CANX: variants seen among roughly 807,000 people sequenced by gnomAD.
The protein encoded by CANX is epididymis secretory sperm binding protein.
Under a neutral mutation model 75.7 loss-of-function variants are expected in CANX, and 14 were observed. That is an observed-to-expected ratio of 0.19 (90% CI 0.12 to 0.29). The LOEUF (loss-of-function observed/expected upper bound fraction) is 0.29. Among genes scored for constraint, CANX ranks in the 10% least tolerant of loss-of-function variants. The probability of loss-of-function intolerance (pLI) is 1.00; values close to 1 mark genes in which losing one functional copy is unlikely to be tolerated. For missense variants in CANX, 567 were observed against 713.2 expected, an observed-to-expected ratio of 0.79 and a Z score of 2.34; for synonymous variants, 227 against 236.9, an observed-to-expected ratio of 0.96 and a Z score of 0.38.
upstream of CANX, among the ~76,000 whole-genome samples, chr5:179,697,581 T>C (rs1272753722): frequency 6.6e-6 from 1 of 152,190 alleles, no homozygotes; most frequent in Admixed American, 6.5e-5. Flanking sequence ...CTTCCCCAGG[T>C]AGACAGGAAA....
Position 179,707,216 on chromosome 5 carries a change from T to C in CANX, c.304+26T>C, listed in dbSNP as rs544450716. 1.2e-4 allele frequency: 148 copies of C among 1,218,556 alleles called. 3 individuals are homozygous for C. In the South Asian group the frequency reaches 1.7e-3, roughly 14 times the overall value. The allele number at this position is 1,218,556 out of a possible 1,614,324, so 75.5% of individuals were successfully genotyped here. A position where few individuals can be genotyped will look rare whatever the true frequency, so the allele number is the denominator to read the frequency against. On this transcript the variant is annotated intron_variant, in intron 4 of 14. Transcript: ENST00000247461. ...GTGAGAATCCCATTTGGTTTAGATATAATAGCAGATAGAGGTTTGACATGT... is the reference window on the plus strand; with the variant it reads ...GTGAGAATCCCATTTGGTTTAGATACAATAGCAGATAGAGGTTTGACATGT...
At chr5:179,715,815 G>GTTTTTTTTTTTTTTTTTTTTTTTTTTTT (rs1195140945) in intron 7 of CANX, 1 of 421,884 alleles carries the variant, frequency 2.4e-6, no homozygotes, top group African/African-American at 2.1e-5. Flanking sequence ...GTAGTTTCTT[G>GTTTTTTTTTTTTTTTTTTTTTTTTTTTT]TTTTTTTTGT....
At chr5:179,711,870 A>C (rs1247164657) in intron 7 of CANX, among the ~76,000 whole-genome samples, 1 of 148,052 alleles carries the variant, frequency 6.8e-6, no homozygotes, top group Non-Finnish European at 1.5e-5. Context: ...GGCTGAGGCG[A>C]GCAGATCACT....
chr5:179,712,692 T>TG (rs1777657778), intron 7 of CANX, among the ~76,000 whole-genome samples: 1 of 151,428 alleles, frequency 6.6e-6, no homozygotes, highest in Non-Finnish European at 1.5e-5. Context: ...CCCAAACTGC[T>TG]GGGTTATAGG....
chr5:179,701,659 A>G (rs547274066), intron 1 of CANX, among the ~76,000 whole-genome samples: 88 of 151,818 alleles, frequency 5.8e-4, no homozygotes, highest in African/African-American at 2.0e-3. Flanking sequence ...GTACCTAAAC[A>G]GTTAAAACCT....
intron 12 of CANX, 117 bp downstream of exon 12, chr5:179,723,896 A>G: frequency 1.1e-6 from 1 of 884,934 alleles, no homozygotes; most frequent in East Asian, 2.7e-5. Context: ...TGACCAAGCC[A>G]TGTTTGGTGT....
intron 14 of CANX, among the ~76,000 whole-genome samples, chr5:179,727,093 T>G (rs192661149): frequency 2.0e-5 from 3 of 152,368 alleles, no homozygotes; most frequent in Non-Finnish European, 4.4e-5. Flanking sequence ...AAGTATTTCT[T>G]ATACAAATCA....
Position 179,708,387 on chromosome 5 carries a change from G to A in CANX, c.446+7G>A, listed in dbSNP as rs1197126382. 1.2e-6 allele frequency: 2 copies of A among 1,611,284 alleles called. No homozygotes were observed. Among genetic ancestry groups the A allele is most frequent in the South Asian group, 1.1e-5 (1 of 90,900 alleles). ...CCAAGCCTCTCATTGTTCAGTAAGT[G>A]AAATGCTTGTTGGATAAAAGCTTTC... On this transcript the variant is annotated splice_region_variant and intron_variant, in intron 5 of 14. Transcript: ENST00000247461.
upstream of CANX, among the ~76,000 whole-genome samples, chr5:179,696,477 T>C (rs1003017471): frequency 6.6e-6 from 1 of 151,762 alleles, no homozygotes. Flanking sequence ...GGTTTCACCA[T>C]GTTGGCCATA....
At chr5:179,682,434 G>A (rs1776087958) in intron 1 of CANX, among the ~76,000 whole-genome samples, 1 of 152,044 alleles carries the variant, frequency 6.6e-6, no homozygotes, top group African/African-American at 2.4e-5. Context: ...AAATTGGCCG[G>A]GTGCAGTGGC....
intron 7 of CANX, among the ~76,000 whole-genome samples, chr5:179,714,358 C>T (rs1481221785): frequency 6.6e-6 from 1 of 151,958 alleles, no homozygotes; most frequent in African/African-American, 2.4e-5. Context: ...TCACACGTAC[C>T]CCGAAAATAT....
At chr5:179,719,025 G>A (rs62404348) in intron 8 of CANX, among the ~76,000 whole-genome samples, 69,789 of 150,040 alleles carry the variant, frequency 0.47, 17,462 homozygotes, top group South Asian at 0.63. Flanking sequence ...GGCTGGTGTG[G>A]CCTCAAGTGA....
At position 179,710,081 on chromosome 5, in the gene CANX, A is replaced by C. The variant is rs772088184; in HGVS notation, c.721+16A>C. On this transcript the variant is annotated intron_variant, in intron 7 of 14. Coordinates refer to ENST00000247461, the MANE Select transcript of CANX (RefSeq NM_001746.4). Reference sequence around the variant, plus strand: ...TACACACTAAGTAAGAAAAAGCATTAGTTTGGGGGCTTATGGTATTACATA... The same window carrying C: ...TACACACTAAGTAAGAAAAAGCATTCGTTTGGGGGCTTATGGTATTACATA... The C allele has an allele frequency of 4.9e-6, 7 of 1,436,082 alleles. No homozygotes were observed. Among genetic ancestry groups the C allele is most frequent in the Non-Finnish European group, 1.9e-6 (2 of 1,030,492 alleles). The allele number at this position is 1,436,082 out of a possible 1,614,324, so 89.0% of individuals were successfully genotyped here. A position where few individuals can be genotyped will look rare whatever the true frequency, so the allele number is the denominator to read the frequency against.
chr5:179,703,953 G>T (rs1256337457), intron 1 of CANX, among the ~76,000 whole-genome samples: 2 of 152,158 alleles, frequency 1.3e-5, no homozygotes, highest in African/African-American at 4.8e-5. Context: ...GACTATGATT[G>T]ATTGGGTGAC....
At chr5:179,700,573 G>C (rs1204875769) in intron 1 of CANX, 1 of 152,714 alleles carries the variant, frequency 6.5e-6, no homozygotes, top group Admixed American at 6.6e-5. Context: ...ACTGTGTGTG[G>C]GGGTCAGTGT....
upstream of CANX, chr5:179,698,531 T>C: frequency 7.8e-7 from 1 of 1,289,410 alleles, no homozygotes; most frequent in Non-Finnish European, 1.0e-6. Flanking sequence ...CTACCCCTTT[T>C]GCCGGCTGCC....
In CANX at chr5:179,730,425, A is replaced by G. The variant is rs998276078; in HGVS notation, c.*1781A>G. On this transcript the variant is annotated 3_prime_UTR_variant, in exon 15 of 15. Coordinates refer to ENST00000247461, the MANE Select transcript of CANX (RefSeq NM_001746.4). ...GCAGACTTTCCCAAATGTATTGATT[A>G]CAAATAAACAGTTGTTACTTAGCAA... is the stretch of plus-strand genomic sequence containing the variant. 1 of 152,234 alleles carries G rather than the reference A, an allele frequency of 6.6e-6. No homozygotes were observed. Among genetic ancestry groups the G allele is most frequent in the African/African-American group, 2.4e-5 (1 of 41,462 alleles). 9.4% of individuals were successfully genotyped at this position (152,234 alleles called of 1,614,324 possible). A position where few individuals can be genotyped will look rare whatever the true frequency, so the allele number is the denominator to read the frequency against.
intron 7 of CANX, among the ~76,000 whole-genome samples, chr5:179,710,432 G>A (rs1360978968): frequency 6.7e-6 from 1 of 150,334 alleles, no homozygotes; most frequent in African/African-American, 2.4e-5. Context: ...AAAAGGCTGG[G>A]CGCGGTGGCT....
At chr5:179,692,141 C>T (rs2113052442) in intron 1 of CANX, among the ~76,000 whole-genome samples, 1 of 151,328 alleles carries the variant, frequency 6.6e-6, no homozygotes, top group African/African-American at 2.4e-5. Flanking sequence ...GTGGTGCGAT[C>T]TCGGCTCACT....
Sources: allele counts gnomAD v4.1 joint callset (sites outside exome capture counted in the v4.1 genomes callset), GRCh38; gene constraint gnomAD v4.1.1; transcripts MANE v1.5; gene names NCBI Gene and HGNC (gene_info 2026-07-23, HGNC 2026-07-21).